RYR2: variants seen among roughly 807,000 people sequenced by gnomAD.
RYR2 encodes the protein ryanodine receptor 2.
A neutral mutation model predicts 601.1 loss-of-function variants in RYR2; 227 were observed. The observed-to-expected ratio is 0.38, with a 90% CI of 0.34 to 0.42. The LOEUF (loss-of-function observed/expected upper bound fraction) is 0.42. Among genes scored for constraint, RYR2 ranks in the 10% least tolerant of loss-of-function variants. RYR2 has a pLI of 1.00. For synonymous variants in RYR2, 2,223 were observed against 2,175.1 expected (o/e 1.02, Z -0.61); for missense variants, 4,646 against 6,156.5 (o/e 0.75, Z 8.21).
chr1:237,096,883 A>G (rs1051619350), intron 1 of RYR2, among the ~76,000 whole-genome samples: 12 of 152,114 alleles, frequency 7.9e-5, no homozygotes, highest in African/African-American at 2.9e-4. Flanking sequence ...CCTAAATTGT[A>G]TTGAATTAGA....
At chr1:237,112,569 A>T (rs1216026226) in intron 1 of RYR2, among the ~76,000 whole-genome samples, 2 of 41,880 alleles carry the variant, frequency 4.8e-5, no homozygotes, top group African/African-American at 1.4e-4. Flanking sequence ...AAGCTACAAC[A>T]TCAAAAAAAA....
intron 10 of RYR2, among the ~76,000 whole-genome samples, chr1:237,411,194 C>T (rs1704419215): frequency 6.6e-6 from 1 of 152,142 alleles, no homozygotes; most frequent in Admixed American, 6.6e-5. Flanking sequence ...TCACAAGAGA[C>T]TCCAAGGCAG....
At chr1:237,669,966 G>A (rs1319128775) in intron 58 of RYR2, among the ~76,000 whole-genome samples, 17 of 152,084 alleles carry the variant, frequency 1.1e-4, no homozygotes, top group African/African-American at 2.7e-4. Context: ...GTAGCGAGCC[G>A]AGATCACGCC....
chr1:237,744,292 A>G (rs1307683623), intron 80 of RYR2, among the ~76,000 whole-genome samples: 2 of 152,034 alleles, frequency 1.3e-5, no homozygotes, highest in African/African-American at 2.4e-5. Flanking sequence ...AGGAAAATCA[A>G]TCATAAACAT....
At chr1:237,259,957 T>C (rs1455423461) in intron 1 of RYR2, among the ~76,000 whole-genome samples, 2 of 152,212 alleles carry the variant, frequency 1.3e-5, no homozygotes, top group Non-Finnish European at 2.9e-5. Flanking sequence ...ATGGATATGA[T>C]TGATGTGATC....
At chr1:237,421,290 G>C (rs1705546641) in intron 11 of RYR2, among the ~76,000 whole-genome samples, 1 of 152,118 alleles carries the variant, frequency 6.6e-6, no homozygotes. Context: ...GGTTTTCATA[G>C]TATTTGCAAA....
At chr1:237,409,384 G>T (rs1704218272) in intron 10 of RYR2, among the ~76,000 whole-genome samples, 1 of 151,940 alleles carries the variant, frequency 6.6e-6, no homozygotes, top group African/African-American at 2.4e-5. Context: ...ACTGGATTTT[G>T]TCAAATACTT....
At chr1:237,487,373 T>C (rs1381777187) in intron 17 of RYR2, among the ~76,000 whole-genome samples, 1 of 152,026 alleles carries the variant, frequency 6.6e-6, no homozygotes, top group African/African-American at 2.4e-5. Context: ...TTTAAGAATT[T>C]TTTATTATAC....
At chr1:237,731,923 A>G (rs1346660288) in intron 77 of RYR2, 123 bp from the exon 78 acceptor site, 3 of 309,642 alleles carry the variant, frequency 9.7e-6, no homozygotes, top group Non-Finnish European at 5.8e-6. Context: ...CACACACCCC[A>G]CAACAGGGAA....
chr1:237,270,443 G>C, intron 1 of RYR2, 54 bp from the exon 2 acceptor site: 1 of 1,549,910 alleles, frequency 6.5e-7, no homozygotes, highest in Non-Finnish European at 8.7e-7. Flanking sequence ...GATTTGGACT[G>C]TGCAGTCATG....
intron 2 of RYR2, among the ~76,000 whole-genome samples, chr1:237,321,251 T>C (rs1695602986): frequency 6.6e-6 from 1 of 152,198 alleles, no homozygotes; most frequent in South Asian, 2.1e-4. Flanking sequence ...TATTATTACT[T>C]GTATAATTGT....
intron 2 of RYR2, among the ~76,000 whole-genome samples, chr1:237,304,641 G>GT (rs1693692422): frequency 6.6e-6 from 1 of 152,024 alleles, no homozygotes; most frequent in Non-Finnish European, 1.5e-5. Context: ...GGTGGTGAAG[G>GT]TTTTCTCTTG....
At position 237,208,936 on chromosome 1, in the gene RYR2, G is replaced by GTGTA. The variant is rs1418847642; in HGVS notation, c.49-61560_49-61559insGTAT. Among the ~76,000 whole-genome samples, 201 of 89,768 alleles carry GTGTA rather than the reference G, an allele frequency of 2.2e-3. 1 individual carries two copies. The highest frequency in any genetic ancestry group is 3.8e-3 in the East Asian group (11 of 2,864). 58.9% of individuals were successfully genotyped at this position (89,768 alleles called of 152,430 possible). On this transcript the variant is annotated intron_variant, in intron 1 of 104. Transcript: ENST00000366574. ...CATCTGTACAACCAAATGTGTGTGT[G>GTGTA]TATATATATATATATATATATATAT... is the stretch of plus-strand genomic sequence containing the variant.
chr1:237,210,770 C>T (rs980514390), intron 1 of RYR2, among the ~76,000 whole-genome samples: 2 of 152,126 alleles, frequency 1.3e-5, no homozygotes, highest in Non-Finnish European at 2.9e-5. Context: ...AAGCAGGCAC[C>T]GGGGACCACA....
intron 1 of RYR2, among the ~76,000 whole-genome samples, chr1:237,222,175 GA>G: frequency 6.6e-6 from 1 of 152,258 alleles, no homozygotes; most frequent in East Asian, 1.9e-4. Context: ...AGCACTTTGG[GA>G]GGCTGAGGTG....
In RYR2 at chr1:237,812,961, G is replaced by A. The variant is rs542969951; in HGVS notation, c.14433+3926G>A. On this transcript the variant is annotated intron_variant, in intron 100 of 104. Coordinates refer to ENST00000366574, the MANE Select transcript of RYR2 (RefSeq NM_001035.3). ...GGATTCAATGCAATAAGACTGACCCGTTACTAGTGACGACTCTCCATCAGA... is the reference window on the plus strand; with the variant it reads ...GGATTCAATGCAATAAGACTGACCCATTACTAGTGACGACTCTCCATCAGA... 1.5e-4 allele frequency among the ~76,000 whole-genome samples: 23 copies of A among 151,078 alleles called. No homozygotes were observed. In the East Asian group the frequency reaches 2.5e-3, roughly 17 times the overall value.
chr1:237,759,831 C>A lies in RYR2; in HGVS notation c.11381C>A (p.Ala3794Asp). Reference protein sequence around the residue: ...KKDVGFFQSLAGLMQSCSVLD... With the variant: ...KKDVGFFQSLDGLMQSCSVLD... ...GATGTGGGCTTCTTTCAGAGCCTGGCCGGCCTGATGCAGTCATGTAGGTAA... is the reference window on the plus strand; with the variant it reads ...GATGTGGGCTTCTTTCAGAGCCTGGACGGCCTGATGCAGTCATGTAGGTAA... Residue 3794 changes from alanine to aspartate, a missense_variant, in exon 83 of 105, where the codon GCC becomes GAC. This residue lies in a region of RYR2 where 1,497 missense variants were observed against 1,842.6 expected (regional missense o/e 0.81). Coordinates refer to ENST00000366574, the MANE Select transcript of RYR2 (RefSeq NM_001035.3). The A allele has an allele frequency of 6.2e-7, 1 of 1,611,900 alleles. No individual in the cohort carries two copies.
chr1:237,154,865 T>C (rs974156090), intron 1 of RYR2, among the ~76,000 whole-genome samples: 6 of 152,210 alleles, frequency 3.9e-5, no homozygotes, highest in Non-Finnish European at 8.8e-5. Flanking sequence ...CTCAAAACAG[T>C]TGTTTAAGTT....
chr1:237,401,598 T>A (rs1481018932), intron 10 of RYR2, among the ~76,000 whole-genome samples: 2 of 152,168 alleles, frequency 1.3e-5, no homozygotes, highest in African/African-American at 4.8e-5. Flanking sequence ...ATTAGGATAT[T>A]TTACCCTCTT....
Sources: gnomAD v4.1 joint callset for allele counts (sites outside exome capture counted in the v4.1 genomes callset) on GRCh38, gnomAD v4.1.1 for gene constraint, gnomAD v4.1.1 regional missense constraint, MANE v1.5 for transcripts, NCBI Gene and HGNC (gene_info 2026-07-23, HGNC 2026-07-21) for gene names.